CNTN5: variants seen among roughly 807,000 people sequenced by gnomAD.
The protein encoded by CNTN5 is contactin-5.
In CNTN5, 77 loss-of-function variants were observed where a neutral mutation model predicts 129.1. The observed-to-expected ratio is 0.60, with a 90% CI of 0.50 to 0.72. The LOEUF (loss-of-function observed/expected upper bound fraction) is 0.72. Among genes scored for constraint, CNTN5 ranks in the 30% least tolerant of loss-of-function variants. The probability of loss-of-function intolerance (pLI) is 0.00; values close to 1 mark genes in which losing one functional copy is unlikely to be tolerated. For missense variants in CNTN5, 1,478 were observed against 1,328.8 expected, an observed-to-expected ratio of 1.11 and a Z score of -1.75; for synonymous variants, 509 against 465.6, an observed-to-expected ratio of 1.09 and a Z score of -1.20.
intron 3 of CNTN5, among the ~76,000 whole-genome samples, chr11:99,670,463 C>G (rs1952985807): frequency 6.6e-6 from 1 of 152,158 alleles, no homozygotes; most frequent in Non-Finnish European, 1.5e-5. Flanking sequence ...CAGCCTATCA[C>G]TCACCTAATC....
intron 3 of CNTN5, among the ~76,000 whole-genome samples, chr11:99,597,883 G>A (rs1423270623): frequency 6.6e-6 from 1 of 152,124 alleles, no homozygotes; most frequent in Non-Finnish European, 1.5e-5. Context: ...GCAAGCTTAT[G>A]AATGCCATAG....
intron 6 of CNTN5, among the ~76,000 whole-genome samples, chr11:99,871,349 A>G: frequency 6.6e-6 from 1 of 152,110 alleles, no homozygotes; most frequent in South Asian, 2.1e-4. Context: ...CCTGGTTAAT[A>G]TAATCATTAT....
intron 6 of CNTN5, among the ~76,000 whole-genome samples, chr11:99,872,861 A>G (rs1054811521): frequency 6.6e-6 from 1 of 152,118 alleles, no homozygotes; most frequent in Non-Finnish European, 1.5e-5. Context: ...AAATTGTTAC[A>G]TATTTGAGAT....
chr11:99,168,899 G>A (rs1861015253), intron 1 of CNTN5, among the ~76,000 whole-genome samples: 1 of 152,210 alleles, frequency 6.6e-6, no homozygotes, highest in Non-Finnish European at 1.5e-5. Context: ...ACTTTGATTT[G>A]AACATTTGTG....
At chr11:99,764,248 C>T (rs1358298145) in intron 3 of CNTN5, among the ~76,000 whole-genome samples, 1 of 151,454 alleles carries the variant, frequency 6.6e-6, no homozygotes, top group Non-Finnish European at 1.5e-5. Context: ...ATGAGTAGGA[C>T]AAGGCTTGGA....
intron 7 of CNTN5, among the ~76,000 whole-genome samples, chr11:99,948,108 C>T (rs1296030255): frequency 1.3e-5 from 2 of 152,172 alleles, no homozygotes; most frequent in South Asian, 2.1e-4. Flanking sequence ...AACCTTTCTA[C>T]GCATCAAACA....
At chr11:99,247,486 GT>G (rs1208687570) in intron 1 of CNTN5, among the ~76,000 whole-genome samples, 2 of 151,452 alleles carry the variant, frequency 1.3e-5, no homozygotes, top group Admixed American at 1.3e-4. Flanking sequence ...TATACTTTAA[GT>G]TTTAGGGTAC....
At chr11:99,403,586 A>T (rs1941930384) in intron 2 of CNTN5, among the ~76,000 whole-genome samples, 1 of 151,878 alleles carries the variant, frequency 6.6e-6, no homozygotes, top group African/African-American at 2.4e-5. Context: ...AAATTTTTCA[A>T]TTTTCTCCTT....
chr11:99,585,284 A>T lies in CNTN5; in HGVS notation c.55+29015A>T, dbSNP rs185597005. On this transcript the variant is annotated intron_variant, in intron 3 of 24. Coordinates refer to ENST00000524871, the MANE Select transcript of CNTN5 (RefSeq NM_014361.4). ...ATATTCATAATTATCTGAAAAGGTT[A>T]TTACAATTCTTCTCTCTTTTTTGAC... Among the ~76,000 whole-genome samples, 144 of 152,328 alleles carry T rather than the reference A, an allele frequency of 9.5e-4. 4 individuals are homozygous for T. Among genetic ancestry groups the T allele is most frequent in the Admixed American group, 9.3e-3 (142 of 15,300 alleles).
chr11:100,090,369 C>A (rs1944708536), intron 13 of CNTN5, among the ~76,000 whole-genome samples: 1 of 151,976 alleles, frequency 6.6e-6, no homozygotes, highest in Non-Finnish European at 1.5e-5. Flanking sequence ...GAAACCTGAT[C>A]AATTTGTTAT....
chr11:99,406,570 A>G (rs1942077377), intron 2 of CNTN5, among the ~76,000 whole-genome samples: 1 of 152,126 alleles, frequency 6.6e-6, no homozygotes, highest in South Asian at 2.1e-4. Flanking sequence ...GCCTATGCTC[A>G]TTCAAAGCCC....
At chr11:99,113,940 G>A (rs995127798) in intron 1 of CNTN5, among the ~76,000 whole-genome samples, 5 of 152,048 alleles carry the variant, frequency 3.3e-5, no homozygotes, top group African/African-American at 9.7e-5. Context: ...TATATCCTGA[G>A]ACTCCTAATG....
At chr11:99,971,657 T>G (rs1412532990) in intron 8 of CNTN5, among the ~76,000 whole-genome samples, 1 of 151,868 alleles carries the variant, frequency 6.6e-6, no homozygotes, top group Admixed American at 6.6e-5. Context: ...GCTTCCCGTA[T>G]CTAAGGTATT....
At chr11:100,177,799 T>C (rs1020162488) in intron 13 of CNTN5, among the ~76,000 whole-genome samples, 1 of 152,150 alleles carries the variant, frequency 6.6e-6, no homozygotes, top group African/African-American at 2.4e-5. Context: ...GGGGATATTG[T>C]TGTAAGTCCT....
At chr11:99,245,529 C>A (rs1332552522) in intron 1 of CNTN5, among the ~76,000 whole-genome samples, 1 of 152,038 alleles carries the variant, frequency 6.6e-6, no homozygotes, top group Non-Finnish European at 1.5e-5. Flanking sequence ...CCATGTTGGC[C>A]AGGCTGATCT....
At chr11:99,729,468 G>T (rs1401294983) in intron 3 of CNTN5, among the ~76,000 whole-genome samples, 1 of 152,064 alleles carries the variant, frequency 6.6e-6, no homozygotes, top group Non-Finnish European at 1.5e-5. Context: ...CCCTCAAGTA[G>T]GCCCCAGTGT....
intron 3 of CNTN5, among the ~76,000 whole-genome samples, chr11:99,571,952 A>G (rs1205966238): frequency 6.6e-6 from 1 of 152,220 alleles, no homozygotes; most frequent in Non-Finnish European, 1.5e-5. Flanking sequence ...TATAATATAC[A>G]TAAATATAAT....
intron 9 of CNTN5, among the ~76,000 whole-genome samples, chr11:100,036,564 G>T (rs1007742412): frequency 2.8e-5 from 4 of 144,520 alleles, no homozygotes; most frequent in Non-Finnish European, 6.2e-5. Flanking sequence ...TGGGCAGTAT[G>T]GCCATTTTCA....
chr11:100,055,433 A>C (rs374253233), intron 9 of CNTN5, among the ~76,000 whole-genome samples: 19 of 151,428 alleles, frequency 1.3e-4, no homozygotes, highest in African/African-American at 4.1e-4. Flanking sequence ...TGGAGTCATT[A>C]TTCTCCTTCT....
Sources: gnomAD v4.1 joint callset for allele counts (sites outside exome capture counted in the v4.1 genomes callset) on GRCh38, gnomAD v4.1.1 for gene constraint, MANE v1.5 for transcripts, NCBI Gene and HGNC (gene_info 2026-07-23, HGNC 2026-07-21) for gene names.